TCF4: variants seen among roughly 807,000 people sequenced by gnomAD.
TCF4 encodes SL3-3 enhancer factor 2.
In TCF4, 3 loss-of-function variants were observed where a neutral mutation model predicts 82.1. The ratio of observed to expected loss-of-function variants is 0.04; its 90% confidence interval spans 0.02 to 0.09. TCF4 has a LOEUF of 0.09. Ranked by LOEUF, TCF4 falls within the 10% of genes least tolerant of loss-of-function variation. The pLI is 1.00. For missense variants in TCF4, 518 were observed against 852.7 expected (o/e 0.61, Z 4.89); for synonymous variants, 276 against 309.6 (o/e 0.89, Z 1.14).
chr18:55,510,433 G>A, intron 3 of TCF4: 1 of 497,956 alleles, frequency 2.0e-6, no homozygotes. Flanking sequence ...CCAAAATCCT[G>A]AACCATGCAT....
intron 5 of TCF4, chr18:55,404,203 T>C (rs1459748892): frequency 4.4e-6 from 1 of 225,226 alleles, no homozygotes; most frequent in Non-Finnish European, 8.3e-6. Context: ...CCAATTTTTA[T>C]CTGTAGACTG....
chr18:55,524,624 T>C (rs1384308904), intron 3 of TCF4, among the ~76,000 whole-genome samples: 1 of 152,158 alleles, frequency 6.6e-6, no homozygotes, highest in Non-Finnish European at 1.5e-5. Flanking sequence ...CCCTTCATCA[T>C]TACAAAATAA....
chr18:55,634,572 A>T (rs2097734445), intron 1 of TCF4, among the ~76,000 whole-genome samples: 1 of 152,168 alleles, frequency 6.6e-6, no homozygotes, highest in Non-Finnish European at 1.5e-5. Flanking sequence ...ATGGTCAGAA[A>T]GATAGTTTGG....
chr18:55,598,166 G>C (rs879283523), intron 2 of TCF4, among the ~76,000 whole-genome samples: 1 of 152,182 alleles, frequency 6.6e-6, no homozygotes, highest in African/African-American at 2.4e-5. Context: ...ATCTTAGAAG[G>C]CTTCTTAGAA....
chr18:55,397,510 C>A (rs186227665), intron 6 of TCF4, among the ~76,000 whole-genome samples: 81 of 152,214 alleles, frequency 5.3e-4, no homozygotes, highest in Middle Eastern at 3.4e-3. Flanking sequence ...CATAGCGATA[C>A]CCCATCCCTA....
At chr18:55,331,757 A>T (rs2147775224) in intron 8 of TCF4, among the ~76,000 whole-genome samples, 1 of 152,338 alleles carries the variant, frequency 6.6e-6, no homozygotes, top group Non-Finnish European at 1.5e-5. Flanking sequence ...AAATGTTCTA[A>T]TTATTATTTT....
chr18:55,493,883 C>G (rs2096601801), intron 3 of TCF4, among the ~76,000 whole-genome samples: 1 of 152,026 alleles, frequency 6.6e-6, no homozygotes, highest in Admixed American at 6.6e-5. Flanking sequence ...GTCAAAGATC[C>G]TGCACCTGTC....
intron 2 of TCF4, among the ~76,000 whole-genome samples, chr18:55,600,861 G>A (rs1315461650): frequency 6.6e-6 from 1 of 152,190 alleles, no homozygotes; most frequent in Non-Finnish European, 1.5e-5. Context: ...GCAATAGAGT[G>A]TAACAAGTAT....
intron 3 of TCF4, among the ~76,000 whole-genome samples, chr18:55,465,984 A>G (rs971109745): frequency 6.6e-6 from 1 of 152,192 alleles, no homozygotes; most frequent in Non-Finnish European, 1.5e-5. Flanking sequence ...CAATTTTAAA[A>G]GAGGATTTTA....
At chr18:55,278,536 T>A (rs1356436477) in intron 9 of TCF4, among the ~76,000 whole-genome samples, 3 of 151,178 alleles carry the variant, frequency 2.0e-5, no homozygotes, top group Non-Finnish European at 4.4e-5. Flanking sequence ...TTGGTCTTTT[T>A]AAAAAATTCA....
intron 2 of TCF4, among the ~76,000 whole-genome samples, chr18:55,619,572 A>G (rs1458054768): frequency 1.3e-5 from 2 of 152,344 alleles, no homozygotes; most frequent in East Asian, 3.9e-4. Flanking sequence ...TTGAAAATAT[A>G]TACATATCCC....
At chr18:55,438,226 G>A (rs1191262800) in intron 5 of TCF4, among the ~76,000 whole-genome samples, 1 of 149,142 alleles carries the variant, frequency 6.7e-6, no homozygotes, top group Non-Finnish European at 1.5e-5. Flanking sequence ...AAAAGTAAAT[G>A]TAGGCTAAGA....
chr18:55,256,047 T>C (rs1296996117), intron 14 of TCF4, among the ~76,000 whole-genome samples: 2 of 152,224 alleles, frequency 1.3e-5, no homozygotes, highest in Admixed American at 1.3e-4. Context: ...GAAAAGTTAC[T>C]AAACCTCTTG....
chr18:55,384,564 T>C (rs543524598), intron 6 of TCF4, among the ~76,000 whole-genome samples: 1 of 152,312 alleles, frequency 6.6e-6, no homozygotes, highest in South Asian at 2.1e-4. Context: ...GGGAAATACA[T>C]TGATACACTA....
chr18:55,259,811 T>A, intron 13 of TCF4, 138 bp downstream of exon 13: 1 of 739,742 alleles, frequency 1.4e-6, no homozygotes, highest in Non-Finnish European at 2.4e-6. Context: ...TCCCACCCTT[T>A]GTATTTGTCT....
intron 5 of TCF4, among the ~76,000 whole-genome samples, chr18:55,428,696 G>A (rs764970243): frequency 2.6e-5 from 4 of 152,126 alleles, no homozygotes; most frequent in Non-Finnish European, 5.9e-5. Flanking sequence ...TCATTTTTAA[G>A]AGTATTAAAG....
chr18:55,449,198 C>T (rs1168528697), intron 5 of TCF4, among the ~76,000 whole-genome samples: 1 of 151,856 alleles, frequency 6.6e-6, no homozygotes, highest in Non-Finnish European at 1.5e-5. Flanking sequence ...TATTGTGTAC[C>T]AGGTTGGGTT....
rs554383440 is a variant in TCF4, at chr18:55,379,133, A to C, written c.369+24321T>G. 1.4e-3 allele frequency among the ~76,000 whole-genome samples: 219 copies of C among 152,372 alleles called. 1 individual carries two copies. Among genetic ancestry groups the C allele is most frequent in the Non-Finnish European group, 2.2e-3 (149 of 68,040 alleles). On this transcript the variant is annotated intron_variant, in intron 6 of 19. Coordinates refer to ENST00000354452, the MANE Select transcript of TCF4 (RefSeq NM_001083962.2). Reference sequence around the variant, plus strand: ...TCTAATTGTGATTAAGTATACCAGTAGCAGTTATTTATATTGAATTATAAA... The same window carrying C: ...TCTAATTGTGATTAAGTATACCAGTCGCAGTTATTTATATTGAATTATAAA...
At chr18:55,365,156 A>AATATATATATATATATATAT (rs139574594) in intron 6 of TCF4, among the ~76,000 whole-genome samples, 43 of 83,524 alleles carry the variant, frequency 5.1e-4, no homozygotes, top group East Asian at 9.8e-4. Flanking sequence ...CCATCTCCAA[A>AATATATATATATATATATAT]ATATATATAT....
Sources: gnomAD v4.1 joint callset for allele counts (sites outside exome capture counted in the v4.1 genomes callset) on GRCh38, gnomAD v4.1.1 for gene constraint, MANE v1.5 for transcripts, NCBI Gene and HGNC (gene_info 2026-07-23, HGNC 2026-07-21) for gene names.